BMPR1B: variants seen among roughly 807,000 people sequenced by gnomAD.
BMPR1B encodes the protein bone morphogenetic protein receptor type 1B, also known as bone morphogenetic protein receptor type-1B.
Under a neutral mutation model 59.1 loss-of-function variants are expected in BMPR1B, and 12 were observed. The observed-to-expected ratio is 0.20, with a 90% confidence interval of 0.13 to 0.33. The LOEUF (loss-of-function observed/expected upper bound fraction) is 0.33, where lower values mean the gene tolerates loss of function less well. Ranked by LOEUF, BMPR1B falls within the 10% of genes least tolerant of loss-of-function variation. The pLI, the probability that BMPR1B is intolerant of heterozygous loss-of-function variation, is 1.00. For missense variants in BMPR1B, 550 were observed against 610.9 expected, an observed-to-expected ratio of 0.90 and a Z score of 1.05; for synonymous variants, 237 against 207.3, an observed-to-expected ratio of 1.14 and a Z score of -1.23.
At chr4:95,140,027 T>C (rs1734107115) in intron 10 of BMPR1B, among the ~76,000 whole-genome samples, 1 of 152,190 alleles carries the variant, frequency 6.6e-6, no homozygotes, top group African/African-American at 2.4e-5. Context: ...TGGTGGGAGC[T>C]ATAGACTGGA....
intron 1 of BMPR1B, among the ~76,000 whole-genome samples, chr4:94,766,130 T>G (rs1370185459): frequency 6.6e-6 from 1 of 152,214 alleles, no homozygotes; most frequent in Admixed American, 6.5e-5. Flanking sequence ...CAATTTCTGA[T>G]GTTTTTAAAT....
At chr4:94,799,320 T>C (rs1018337844) in intron 1 of BMPR1B, among the ~76,000 whole-genome samples, 1 of 150,498 alleles carries the variant, frequency 6.6e-6, no homozygotes, top group African/African-American at 2.5e-5. Context: ...TTTTTTTTCC[T>C]GGAGACACAG....
chr4:94,898,595 A>G (rs1727679159), intron 2 of BMPR1B, among the ~76,000 whole-genome samples: 1 of 151,996 alleles, frequency 6.6e-6, no homozygotes, highest in African/African-American at 2.4e-5. Context: ...CATGATTGTT[A>G]GCTTTCTGAG....
At chr4:94,796,537 A>AT (rs374479312) in intron 1 of BMPR1B, among the ~76,000 whole-genome samples, 309 of 148,428 alleles carry the variant, frequency 2.1e-3, no homozygotes, top group Middle Eastern at 7.0e-3. Flanking sequence ...GAGGTTCTTA[A>AT]TTTTTTTTTT....
intron 1 of BMPR1B, among the ~76,000 whole-genome samples, chr4:94,852,380 T>G (rs771167095): frequency 6.6e-6 from 1 of 152,192 alleles, no homozygotes; most frequent in Admixed American, 6.5e-5. Context: ...ATGTCTAATT[T>G]TGAGGAATGA....
chr4:95,028,234 A>G (rs1425816149), intron 3 of BMPR1B, among the ~76,000 whole-genome samples: 1 of 152,188 alleles, frequency 6.6e-6, no homozygotes, highest in African/African-American at 2.4e-5. Context: ...AGCTCAGTAA[A>G]GCAAAACTCC....
At chr4:95,042,455 T>C (rs1725727912) in intron 3 of BMPR1B, among the ~76,000 whole-genome samples, 1 of 152,208 alleles carries the variant, frequency 6.6e-6, no homozygotes, top group Admixed American at 6.5e-5. Context: ...AAAATTACCT[T>C]CAGACTATGT....
chr4:94,885,895 G>A (rs927670213), intron 2 of BMPR1B, among the ~76,000 whole-genome samples: 5 of 152,160 alleles, frequency 3.3e-5, no homozygotes, highest in African/African-American at 1.2e-4. Context: ...CACAGTGAAA[G>A]GATGTACTTG....
intron 2 of BMPR1B, among the ~76,000 whole-genome samples, chr4:94,894,459 A>AGG (rs2148993517): frequency 6.6e-6 from 1 of 151,868 alleles, no homozygotes; most frequent in East Asian, 1.9e-4. Flanking sequence ...AGAGAGAGAG[A>AGG]GAAAGCGAGA....
intron 3 of BMPR1B, among the ~76,000 whole-genome samples, chr4:95,073,968 C>A (rs117118796): frequency 6.6e-6 from 1 of 152,038 alleles, no homozygotes; most frequent in African/African-American, 2.4e-5. Context: ...TGTGAATTGT[C>A]GAGATAAACA....
At chr4:95,071,376 A>C (rs1560631617) in intron 3 of BMPR1B, among the ~76,000 whole-genome samples, 1 of 152,126 alleles carries the variant, frequency 6.6e-6, no homozygotes, top group African/African-American at 2.4e-5. Context: ...CTAAATTAAA[A>C]CAAAAATCAC....
At chr4:94,976,913 C>A (rs1731054666) in intron 2 of BMPR1B, among the ~76,000 whole-genome samples, 1 of 152,074 alleles carries the variant, frequency 6.6e-6, no homozygotes, top group Non-Finnish European at 1.5e-5. Flanking sequence ...TTTCCATCTT[C>A]TGATTCATCA....
At chr4:94,870,147 A>C (rs1726421672) in intron 1 of BMPR1B, among the ~76,000 whole-genome samples, 1 of 152,218 alleles carries the variant, frequency 6.6e-6, no homozygotes, top group African/African-American at 2.4e-5. Flanking sequence ...TTTGCGTTTA[A>C]ACTTTTGGAT....
chr4:95,045,168 T>C (rs1725947765), intron 3 of BMPR1B, among the ~76,000 whole-genome samples: 1 of 152,168 alleles, frequency 6.6e-6, no homozygotes, highest in Admixed American at 6.5e-5. Flanking sequence ...GATGTTTACA[T>C]GGTAAAGAAA....
chr4:95,093,328 C>T (rs2149251228), intron 3 of BMPR1B, among the ~76,000 whole-genome samples: 1 of 151,942 alleles, frequency 6.6e-6, no homozygotes, highest in East Asian at 1.9e-4. Context: ...AGAGTAAAAC[C>T]TAAGGGAAAG....
chr4:94,940,458 C>A (rs1729468108), intron 2 of BMPR1B, among the ~76,000 whole-genome samples: 1 of 152,112 alleles, frequency 6.6e-6, no homozygotes, highest in African/African-American at 2.4e-5. Context: ...ATGACACAGT[C>A]CTTGGGGATT....
intron 3 of BMPR1B, among the ~76,000 whole-genome samples, chr4:95,065,706 CCCT>C (rs1347489922): frequency 6.6e-6 from 1 of 151,936 alleles, no homozygotes; most frequent in Non-Finnish European, 1.5e-5. Context: ...AGTACATTAT[CCCT>C]CCTCCCTTTC....
intron 3 of BMPR1B, among the ~76,000 whole-genome samples, chr4:95,027,402 C>A (rs1032636202): frequency 6.6e-6 from 1 of 152,138 alleles, no homozygotes; most frequent in Non-Finnish European, 1.5e-5. Context: ...CAATTTTTAT[C>A]AACATATCCT....
intron 3 of BMPR1B, among the ~76,000 whole-genome samples, chr4:95,102,118 A>G (rs1218471926): frequency 6.6e-6 from 1 of 152,226 alleles, no homozygotes; most frequent in Non-Finnish European, 1.5e-5. Flanking sequence ...ATGAGTTGTT[A>G]TAAGCAATAT....
Sources: allele counts gnomAD v4.1 joint callset (sites outside exome capture counted in the v4.1 genomes callset), GRCh38; gene constraint gnomAD v4.1.1; transcripts MANE v1.5; gene names NCBI Gene and HGNC (gene_info 2026-07-23, HGNC 2026-07-21).